Variants in CDC42BPA observed in about 807,000 individuals in gnomAD.
CDC42BPA encodes the protein serine/threonine-protein kinase MRCK alpha.
In CDC42BPA, 80 loss-of-function variants were observed where a neutral mutation model predicts 223.5. The observed-to-expected ratio is 0.36, with a 90% confidence interval of 0.30 to 0.43. The LOEUF (loss-of-function observed/expected upper bound fraction) is 0.43, where lower values mean the gene tolerates loss of function less well. Ranked by LOEUF, CDC42BPA falls within the 20% of genes least tolerant of loss-of-function variation. CDC42BPA has a pLI of 1.00. For missense variants in CDC42BPA, 1,743 were observed against 2,099.9 expected (o/e 0.83, Z 3.32); for synonymous variants, 694 against 718.6 (o/e 0.97, Z 0.55).
At chr1:227,216,036 A>G (rs1674762391) in intron 2 of CDC42BPA, among the ~76,000 whole-genome samples, 1 of 152,286 alleles carries the variant, frequency 6.6e-6, no homozygotes, top group South Asian at 2.1e-4. Context: ...AAAATTACTG[A>G]GGAATGTTAA....
At chr1:227,079,914 G>A (rs1202996479) in intron 17 of CDC42BPA, among the ~76,000 whole-genome samples, 1 of 149,758 alleles carries the variant, frequency 6.7e-6, no homozygotes, top group Non-Finnish European at 1.5e-5. Flanking sequence ...TTATCTTGGG[G>A]ATGGGACCCA....
intron 5 of CDC42BPA, among the ~76,000 whole-genome samples, chr1:227,166,267 C>T (rs566175201): frequency 2.0e-5 from 3 of 152,252 alleles, no homozygotes; most frequent in African/African-American, 4.8e-5. Context: ...TTCGAAATAA[C>T]GAGGCCTCAG....
At chr1:227,002,591 A>G (rs1663094803) in intron 35 of CDC42BPA, among the ~76,000 whole-genome samples, 1 of 152,186 alleles carries the variant, frequency 6.6e-6, no homozygotes, top group Non-Finnish European at 1.5e-5. Flanking sequence ...AGCATACTGA[A>G]GAAGTGGTGA....
intron 1 of CDC42BPA, among the ~76,000 whole-genome samples, chr1:227,275,601 CT>C (rs1176017851): frequency 4.0e-5 from 6 of 150,834 alleles, no homozygotes; most frequent in African/African-American, 7.3e-5. Flanking sequence ...CCCCCTCCCC[CT>C]CTCCCCCTCC....
intron 4 of CDC42BPA, among the ~76,000 whole-genome samples, chr1:227,196,039 T>C (rs1181076927): frequency 6.6e-6 from 1 of 151,900 alleles, no homozygotes; most frequent in Admixed American, 6.6e-5. Context: ...GCAACAATCA[T>C]TGATTTGAGG....
intron 1 of CDC42BPA, among the ~76,000 whole-genome samples, chr1:227,263,873 T>G (rs1684532771): frequency 6.6e-6 from 1 of 152,122 alleles, no homozygotes; most frequent in Non-Finnish European, 1.5e-5. Context: ...TGAGCCACCG[T>G]GCCCAGCCAA....
chr1:227,107,744 T>C (rs998908872), intron 14 of CDC42BPA, among the ~76,000 whole-genome samples: 14 of 152,196 alleles, frequency 9.2e-5, no homozygotes, highest in African/African-American at 3.4e-4. Flanking sequence ...CAGAAGGTTT[T>C]TGATTACTGA....
In CDC42BPA at chr1:227,187,672, ACCCC is replaced by A. The variant is rs150262459; in HGVS notation, c.599+6110_599+6113del. 1.8e-4 allele frequency among the ~76,000 whole-genome samples: 7 copies of A among 39,566 alleles called. 1 individual carries two copies. The highest frequency in any genetic ancestry group is 8.0e-4 in the African/African-American group (7 of 8,740). 26.0% of individuals were successfully genotyped at this position (39,566 alleles called of 152,430 possible). ...AAAAATATCAAGAAGGATAAATGGCACCCCCCACCCCCCCCCCAAAAAAAAAAAA... is the reference window on the plus strand; with the variant it reads ...AAAAATATCAAGAAGGATAAATGGCACCACCCCCCCCCCAAAAAAAAAAAA... On this transcript the variant is annotated intron_variant, in intron 5 of 36. Coordinates refer to ENST00000366766, the MANE Select transcript of CDC42BPA (RefSeq NM_001394014.1).
chr1:227,015,257 C>G (rs1443610713), intron 34 of CDC42BPA, among the ~76,000 whole-genome samples: 1 of 152,044 alleles, frequency 6.6e-6, no homozygotes, highest in African/African-American at 2.4e-5. Flanking sequence ...AACCCCATCT[C>G]TACTAAAAAT....
intron 10 of CDC42BPA, among the ~76,000 whole-genome samples, chr1:227,134,084 C>T (rs1657999046): frequency 6.6e-6 from 1 of 152,162 alleles, no homozygotes; most frequent in South Asian, 2.1e-4. Flanking sequence ...GCTTACTACT[C>T]TAGGGACCAC....
chr1:227,223,268 T>C (rs2718223), intron 2 of CDC42BPA, among the ~76,000 whole-genome samples: 1 of 152,018 alleles, frequency 6.6e-6, no homozygotes, highest in Non-Finnish European at 1.5e-5. Context: ...CAGGAAATAT[T>C]TGTGGGGGAG....
intron 2 of CDC42BPA, among the ~76,000 whole-genome samples, chr1:227,251,886 A>G (rs954886502): frequency 1.2e-4 from 19 of 152,078 alleles, no homozygotes; most frequent in Non-Finnish European, 2.6e-4. Flanking sequence ...TTATAACTCA[A>G]TAAGAAAAAC....
In CDC42BPA at chr1:226,994,043, A is replaced by C; in HGVS notation, c.*225T>G. On this transcript the variant is annotated 3_prime_UTR_variant, in exon 37 of 37. Transcript: ENST00000366766. The surrounding 1 kb of genome is among the most constrained non-coding windows in gnomAD (Gnocchi z 4.0). Reference sequence around the variant, plus strand: ...AACTCTAAGTGCATGGAATGAAATCAACGTTAATCTAAGCTGCTACGGAAA... The same window carrying C: ...AACTCTAAGTGCATGGAATGAAATCCACGTTAATCTAAGCTGCTACGGAAA... 2.0e-6 allele frequency: 1 copy of C among 495,848 alleles called. No homozygotes were observed. Among genetic ancestry groups the C allele is most frequent in the Non-Finnish European group, 3.6e-6 (1 of 276,724 alleles). 30.7% of individuals were successfully genotyped at this position (495,848 alleles called of 1,614,324 possible). A position where few individuals can be genotyped will look rare whatever the true frequency, so the allele number is the denominator to read the frequency against.
intron 35 of CDC42BPA, among the ~76,000 whole-genome samples, chr1:226,995,785 T>C (rs1008145667): frequency 1.3e-5 from 2 of 152,284 alleles, no homozygotes; most frequent in East Asian, 1.9e-4. Flanking sequence ...TAGCATTCCC[T>C]ACTATGACAA....
At chr1:227,174,670 T>C (rs1183574520) in intron 5 of CDC42BPA, among the ~76,000 whole-genome samples, 2 of 152,178 alleles carry the variant, frequency 1.3e-5, no homozygotes, top group Admixed American at 1.3e-4. Flanking sequence ...ATCTTGACTA[T>C]GAAACTACAT....
chr1:227,295,727 A>G (rs894962239), intron 1 of CDC42BPA, among the ~76,000 whole-genome samples: 8 of 152,254 alleles, frequency 5.3e-5, no homozygotes, highest in Non-Finnish European at 1.2e-4. Flanking sequence ...CTTCCAGCTC[A>G]CTGCTGGGCC....
At chr1:227,216,729 CTG>C (rs1674925486) in intron 2 of CDC42BPA, among the ~76,000 whole-genome samples, 1 of 152,160 alleles carries the variant, frequency 6.6e-6, no homozygotes, top group Admixed American at 6.5e-5. Context: ...ACAGTGTAGT[CTG>C]TTAAAATGTC....
At chr1:227,090,468 C>T (rs968998113) in intron 16 of CDC42BPA, among the ~76,000 whole-genome samples, 6 of 152,004 alleles carry the variant, frequency 3.9e-5, no homozygotes, top group South Asian at 2.1e-4. Context: ...TTAACCAGCC[C>T]TTATTATTTA....
intron 32 of CDC42BPA, among the ~76,000 whole-genome samples, chr1:227,020,106 G>C (rs926333698): frequency 6.6e-6 from 1 of 152,092 alleles, no homozygotes; most frequent in African/African-American, 2.4e-5. Context: ...ATGTTGGCCA[G>C]GCTGGTCTCG....
Sources: gnomAD v4.1 joint callset for allele counts (sites outside exome capture counted in the v4.1 genomes callset) on GRCh38, gnomAD v4.1.1 for gene constraint, Gnocchi (gnomAD v3.1) non-coding constraint, MANE v1.5 for transcripts, NCBI Gene and HGNC (gene_info 2026-07-23, HGNC 2026-07-21) for gene names.